GPC6: variants seen among roughly 807,000 people sequenced by gnomAD.
GPC6 encodes the protein glypican 6, also known as glypican-6.
In GPC6, 14 loss-of-function variants were observed where a neutral mutation model predicts 55.2. The observed-to-expected ratio is 0.25, with a 90% CI of 0.17 to 0.40. The LOEUF is 0.40. Ranked by LOEUF, GPC6 falls within the 10% of genes least tolerant of loss-of-function variation. The probability of loss-of-function intolerance (pLI) is 1.00; values close to 1 mark genes in which losing one functional copy is unlikely to be tolerated. For synonymous variants in GPC6, 278 were observed against 259.6 expected, an observed-to-expected ratio of 1.07 and a Z score of -0.68; for missense variants, 641 against 708.5, an observed-to-expected ratio of 0.90 and a Z score of 1.08.
Position 94,006,742 on chromosome 13 carries a change from C to A in GPC6, c.712-20987C>A, listed in dbSNP as rs72644501. ...CACGACTTTGGACAAGGTATTTGGC[C>A]TTTCTCATTTCCGTTTCCAGAGATG... On this transcript the variant is annotated intron_variant, in intron 3 of 8. Coordinates refer to ENST00000377047, the MANE Select transcript of GPC6 (RefSeq NM_005708.5). 4.0e-4 allele frequency among the ~76,000 whole-genome samples: 61 copies of A among 152,232 alleles called. 1 individual carries two copies. Among genetic ancestry groups the A allele is most frequent in the Middle Eastern group, 6.8e-3 (2 of 294 alleles).
At chr13:93,444,562 G>A (rs1877930309) in intron 1 of GPC6, among the ~76,000 whole-genome samples, 1 of 152,068 alleles carries the variant, frequency 6.6e-6, no homozygotes, top group Non-Finnish European at 1.5e-5. Flanking sequence ...AGCTGAGATC[G>A]CGCCACTGCA....
chr13:94,209,856 T>A (rs116719412), intron 4 of GPC6, among the ~76,000 whole-genome samples: 3,123 of 152,162 alleles, frequency 0.021, 98 homozygotes, highest in African/African-American at 0.069. Context: ...TTAATTTATT[T>A]ATTTACTGAG....
At chr13:94,114,495 T>C (rs1886364013) in intron 4 of GPC6, among the ~76,000 whole-genome samples, 1 of 152,122 alleles carries the variant, frequency 6.6e-6, no homozygotes, top group African/African-American at 2.4e-5. Flanking sequence ...AAAGGCAGAC[T>C]GAACCTAAAT....
intron 4 of GPC6, among the ~76,000 whole-genome samples, chr13:94,210,994 G>A (rs1272006390): frequency 2.0e-5 from 3 of 152,154 alleles, no homozygotes; most frequent in African/African-American, 7.2e-5. Context: ...AACCACTTTC[G>A]TCTGTGTGGG....
intron 4 of GPC6, among the ~76,000 whole-genome samples, chr13:94,192,809 T>C (rs1359474688): frequency 6.6e-6 from 1 of 152,172 alleles, no homozygotes; most frequent in Non-Finnish European, 1.5e-5. Flanking sequence ...AGTTTTTATA[T>C]CAGGCAATGA....
At position 93,439,325 on chromosome 13, in the gene GPC6, G is replaced by A. The variant is rs774597724; in HGVS notation, c.161-105938G>A. Among the ~76,000 whole-genome samples the A allele has an allele frequency of 2.7e-4, 41 of 152,294 alleles. 3 individuals carry two copies. The Middle Eastern group carries it at 0.027, about 102-fold the overall frequency. The stretch of plus-strand genomic sequence containing the variant: ...TCCCACATGTTGTGGGAGGGACCCA[G>A]TGGGAGGTATCTGGTGGGAGGTAAT... On this transcript the variant is annotated intron_variant, in intron 1 of 8. Coordinates refer to ENST00000377047, the MANE Select transcript of GPC6 (RefSeq NM_005708.5).
intron 1 of GPC6, among the ~76,000 whole-genome samples, chr13:93,450,281 A>G (rs903606541): frequency 6.6e-6 from 1 of 152,236 alleles, no homozygotes; most frequent in African/African-American, 2.4e-5. Flanking sequence ...GGACACTAAA[A>G]TAACAAGTCA....
chr13:93,813,041 G>A (rs9301910), intron 2 of GPC6, among the ~76,000 whole-genome samples: 57,909 of 152,004 alleles, frequency 0.38, 11,918 homozygotes, highest in African/African-American at 0.53. Flanking sequence ...CTCTTCTACA[G>A]GACTGCTTTA....
intron 1 of GPC6, among the ~76,000 whole-genome samples, chr13:93,316,672 A>G (rs9561308): frequency 0.27 from 40,692 of 151,934 alleles, 5,801 homozygotes; most frequent in African/African-American, 0.38. Context: ...CCCTTATTAC[A>G]TGCTAACACC....
chr13:94,237,076 G>A (rs2139020431), intron 4 of GPC6, among the ~76,000 whole-genome samples: 1 of 152,248 alleles, frequency 6.6e-6, no homozygotes, highest in South Asian at 2.1e-4. Flanking sequence ...CAAGATGCAA[G>A]AAGTTAGTGG....
intron 1 of GPC6, among the ~76,000 whole-genome samples, chr13:93,393,801 G>A (rs1875742763): frequency 6.6e-6 from 1 of 151,888 alleles, no homozygotes; most frequent in Non-Finnish European, 1.5e-5. Context: ...CCTGCCACTG[G>A]AAACACTTTC....
At chr13:93,452,330 C>T (rs1878260569) in intron 1 of GPC6, among the ~76,000 whole-genome samples, 1 of 152,086 alleles carries the variant, frequency 6.6e-6, no homozygotes, top group Non-Finnish European at 1.5e-5. Context: ...GTTCAGTTTG[C>T]TTAAAGTGAT....
At chr13:93,698,391 A>C (rs1278820693) in intron 2 of GPC6, among the ~76,000 whole-genome samples, 1 of 145,720 alleles carries the variant, frequency 6.9e-6, no homozygotes, top group Non-Finnish European at 1.5e-5. Context: ...TCTACGCTCT[A>C]TGCCTTTTTG....
chr13:93,979,435 T>A (rs1880688338), intron 3 of GPC6, among the ~76,000 whole-genome samples: 1 of 151,926 alleles, frequency 6.6e-6, no homozygotes, highest in Non-Finnish European at 1.5e-5. Context: ...AGGGTCATTT[T>A]TCCACTTTCC....
chr13:94,332,224 G>T (rs1877463942), intron 6 of GPC6, among the ~76,000 whole-genome samples: 1 of 152,038 alleles, frequency 6.6e-6, no homozygotes, highest in South Asian at 2.1e-4. Context: ...CTTCCAATAA[G>T]TGCTTATGAG....
At position 93,830,280 on chromosome 13, in the gene GPC6, A is replaced by G; in HGVS notation, c.446A>G (p.Tyr149Cys). Reference protein sequence around the residue: ...FQDLFTELKRYYTGGNVNLEE... With the variant: ...FQDLFTELKRCYTGGNVNLEE... ...GACCTCTTCACAGAGCTGAAAAGGT[A>G]CTACACTGGGGGTAATGTGAATCTG... The change falls in exon 3 of 9, where the codon TAC becomes TGC. Residue 149 changes from tyrosine to cysteine, a missense_variant. Physicochemically the swap from Tyr to Cys is radical, Grantham distance 194. Coordinates refer to ENST00000377047, the MANE Select transcript of GPC6 (RefSeq NM_005708.5). The G allele has an allele frequency of 6.2e-7, 1 of 1,613,926 alleles. No individual in the cohort carries two copies. The highest frequency in any genetic ancestry group is 8.5e-7 in the Non-Finnish European group (1 of 1,179,884).
intron 3 of GPC6, among the ~76,000 whole-genome samples, chr13:93,929,855 GAAGAA>G (rs373455465): frequency 6.6e-5 from 10 of 151,644 alleles, no homozygotes; most frequent in African/African-American, 1.2e-4. Context: ...AGAGAAAAAG[GAAGAA>G]AAGAAAAGAA....
At chr13:93,590,657 T>C (rs1400021037) in intron 2 of GPC6, among the ~76,000 whole-genome samples, 2 of 152,190 alleles carry the variant, frequency 1.3e-5, no homozygotes, top group East Asian at 3.8e-4. Context: ...GATATGCATA[T>C]ACAATTATGT....
intron 4 of GPC6, among the ~76,000 whole-genome samples, chr13:94,178,082 G>A (rs1205988988): frequency 1.4e-5 from 2 of 146,186 alleles, no homozygotes; most frequent in East Asian, 2.0e-4. Context: ...GCAGTGGTGC[G>A]ATCTCAACTC....
Sources: gnomAD v4.1 joint callset for allele counts (sites outside exome capture counted in the v4.1 genomes callset) on GRCh38, gnomAD v4.1.1 for gene constraint, MANE v1.5 for transcripts, NCBI Gene and HGNC (gene_info 2026-07-23, HGNC 2026-07-21) for gene names.